MAP4K5: variants seen among roughly 807,000 people sequenced by gnomAD.
The protein encoded by MAP4K5 is mitogen-activated protein kinase kinase kinase kinase 5, also known as MAPK/ERK kinase kinase kinase 5.
Under a neutral mutation model 135.6 loss-of-function variants are expected in MAP4K5, and 82 were observed. The observed-to-expected ratio is 0.60, with a 90% CI of 0.51 to 0.73. The LOEUF is 0.73. Among genes scored for constraint, MAP4K5 ranks in the 30% least tolerant of loss-of-function variants. The pLI is 0.00. For synonymous variants in MAP4K5, 347 were observed against 335.0 expected, an observed-to-expected ratio of 1.04 and a Z score of -0.39; for missense variants, 907 against 1,010.9, an observed-to-expected ratio of 0.90 and a Z score of 1.39.
intron 2 of MAP4K5, among the ~76,000 whole-genome samples, chr14:50,513,845 T>C (rs535887466): frequency 6.6e-6 from 1 of 152,320 alleles, no homozygotes; most frequent in African/African-American, 2.4e-5. Flanking sequence ...TCTCAATATT[T>C]TTAACAAGCT....
At chr14:50,454,542 T>C (rs2036558860) in intron 14 of MAP4K5, among the ~76,000 whole-genome samples, 1 of 152,094 alleles carries the variant, frequency 6.6e-6, no homozygotes, top group African/African-American at 2.4e-5. Context: ...ACATTCCTGA[T>C]AAATACAAAA....
rs527405240 is a variant in MAP4K5 at position 50,553,198 on chromosome 14, A to G, written c.-180+7842T>C. Reference sequence around the variant, plus strand: ...GTAGTCACAGCTACTCAGGAGGCTGAAGCAGGAGAATGCAGTGAGCCGAGA... The same window carrying G: ...GTAGTCACAGCTACTCAGGAGGCTGGAGCAGGAGAATGCAGTGAGCCGAGA... On this transcript the variant is annotated intron_variant, in intron 1 of 8. Coordinates refer to the MAP4K5 transcript ENST00000555216. Among the ~76,000 whole-genome samples the G allele has an allele frequency of 6.6e-5, 10 of 151,936 alleles. No individual in the cohort carries two copies. In the South Asian group the frequency reaches 2.1e-3, roughly 32 times the overall value.
chr14:50,553,761 T>TTA (rs1210333785), intron 1 of MAP4K5, among the ~76,000 whole-genome samples: 2 of 152,288 alleles, frequency 1.3e-5, no homozygotes, highest in East Asian at 3.9e-4. Context: ...CCATGGAATA[T>TTA]TACTCAGCCA....
rs1197001559 is a variant in MAP4K5, at chr14:50,476,146, G to C, written c.451C>G (p.His151Asp). The change falls in exon 8 of 33, where the codon CAT (histidine) becomes GAT (aspartate). Residue 151 changes from histidine to aspartate, a missense_variant. Transcript: ENST00000682126. ...IKGANILLTD[H>D]GDVKLADFGV... Reference sequence around the variant, plus strand: ...AACATACCTAATTTTACATCGCCATGGTCTGTCAATAAAATATTAGCACCC... The same window carrying C: ...AACATACCTAATTTTACATCGCCATCGTCTGTCAATAAAATATTAGCACCC... The C allele has an allele frequency of 6.7e-7, 1 of 1,501,882 alleles. No individual in the cohort carries two copies. 93.0% of individuals were successfully genotyped at this position (1,501,882 alleles called of 1,614,324 possible).
chr14:50,549,752 G>A (rs1460651462), intron 1 of MAP4K5, among the ~76,000 whole-genome samples: 1 of 152,058 alleles, frequency 6.6e-6, no homozygotes, highest in Non-Finnish European at 1.5e-5. Context: ...AACAGGGGCA[G>A]GACTCACAGA....
chr14:50,552,266 C>CA (rs35523342), intron 1 of MAP4K5, among the ~76,000 whole-genome samples: 30,647 of 150,320 alleles, frequency 0.2, 3,844 homozygotes, highest in Middle Eastern at 0.29. Flanking sequence ...ACAACAGCTG[C>CA]AAAAAAAAAT....
chr14:50,437,595 AAATCAGTTGCATCAG>A, intron 25 of MAP4K5, 61 bp from the exon 26 acceptor site: 1 of 1,138,948 alleles, frequency 8.8e-7, no homozygotes. Context: ...AATGATTTGT[AAATCAGTTGCATCAG>A]AATCAGACAG....
chr14:50,551,088 G>C (rs2038696795), intron 1 of MAP4K5, among the ~76,000 whole-genome samples: 1 of 152,040 alleles, frequency 6.6e-6, no homozygotes, highest in Admixed American at 6.6e-5. Flanking sequence ...GAAACAAAAA[G>C]CTGTTTCTTT....
At chr14:50,439,497 G>C (rs888204973) in intron 23 of MAP4K5, among the ~76,000 whole-genome samples, 5 of 152,006 alleles carry the variant, frequency 3.3e-5, no homozygotes, top group African/African-American at 1.2e-4. Flanking sequence ...AATTTCACCA[G>C]CAAACATCTG....
intron 3 of MAP4K5, among the ~76,000 whole-genome samples, chr14:50,493,382 T>C (rs2037527720): frequency 6.6e-6 from 1 of 152,238 alleles, no homozygotes; most frequent in Non-Finnish European, 1.5e-5. Flanking sequence ...AAGTTCTGCA[T>C]ATCACATACA....
At chr14:50,486,225 T>C (rs192334997) in intron 3 of MAP4K5, 31 bp from the exon 4 acceptor site, 11 of 756,964 alleles carry the variant, frequency 1.5e-5, no homozygotes, top group African/African-American at 3.7e-5. Flanking sequence ...TTTATCATGT[T>C]ACTCAAAATC....
rs559437515 is a variant in MAP4K5 at position 50,529,987 on chromosome 14, G to C, written c.108+1955C>G. On this transcript the variant is annotated intron_variant, in intron 2 of 32. Transcript: ENST00000682126. ...ATTACAGCAACAGGTGGAAATGGAG[G>C]GGTGGAAGGTGATTCCAAGTAATTA... Among the ~76,000 whole-genome samples, 87 of 152,308 alleles carry C rather than the reference G, an allele frequency of 5.7e-4. No individual in the cohort carries two copies. In the Middle Eastern group the frequency reaches 0.01, roughly 18 times the overall value.
rs553112946 is a variant in MAP4K5 at position 50,437,771 on chromosome 14, C to T, written c.1823+123G>A. 1.8e-5 allele frequency: 13 copies of T among 705,590 alleles called. No individual in the cohort carries two copies. The Admixed American group carries it at 3.4e-4, about 18-fold the overall frequency. The allele number at this position is 705,590 out of a possible 1,614,324, so 43.7% of individuals were successfully genotyped here. Reference sequence around the variant, plus strand: ...ACGTTCAGCTTTTCCAGATATAATACACTTTAGTTTAAACTACCTTTGAAA... The same window carrying T: ...ACGTTCAGCTTTTCCAGATATAATATACTTTAGTTTAAACTACCTTTGAAA... On this transcript the variant is annotated intron_variant, in intron 25 of 32. Coordinates refer to ENST00000682126, the MANE Select transcript of MAP4K5 (RefSeq NM_006575.6).
rs1481291310 is a variant in MAP4K5, at chr14:50,504,835, T to G, written c.131A>C (p.Glu44Ala). The part of the protein sequence containing the change: ...VYKARNVHTG[E>A]LAAVKIIKLE... ...TTTAATGATTTTTACTGCAGCCAGC[T>G]CTCCTGTGTGTACATTTCTGGCCTA... The change falls in exon 3 of 33, where the codon GAG becomes GCG. Residue 44 changes from glutamate (E) to alanine (A), a missense_variant. Around this residue, in one of 3 missense-constraint regions of MAP4K5, gnomAD observed 196 missense variants for 189.3 expected, o/e 1.04. Coordinates refer to ENST00000682126, the MANE Select transcript of MAP4K5 (RefSeq NM_006575.6). 1.3e-6 allele frequency: 2 copies of G among 1,556,510 alleles called. No individual in the cohort carries two copies. The highest frequency in any genetic ancestry group is 2.7e-5 in the African/African-American group (2 of 73,156).
intron 3 of MAP4K5, among the ~76,000 whole-genome samples, chr14:50,492,004 A>C (rs1209951584): frequency 6.6e-6 from 1 of 152,202 alleles, no homozygotes; most frequent in African/African-American, 2.4e-5. Flanking sequence ...TCAGAAAGTT[A>C]GCACATTATA....
intron 13 of MAP4K5, among the ~76,000 whole-genome samples, chr14:50,459,156 A>G (rs1272248911): frequency 3.3e-5 from 5 of 152,174 alleles, no homozygotes; most frequent in Non-Finnish European, 5.9e-5. Flanking sequence ...CCAAGCTACA[A>G]TGACATATCT....
intron 3 of MAP4K5, among the ~76,000 whole-genome samples, chr14:50,492,656 A>C (rs1324595323): frequency 6.6e-6 from 1 of 152,002 alleles, no homozygotes; most frequent in Non-Finnish European, 1.5e-5. Context: ...AGCAACCTAT[A>C]GGAGAAACTA....
intron 13 of MAP4K5, among the ~76,000 whole-genome samples, chr14:50,460,934 C>T (rs898060000): frequency 2.6e-5 from 4 of 152,140 alleles, no homozygotes; most frequent in African/African-American, 9.7e-5. Context: ...GTATAAAGGA[C>T]TGTTTTGATA....
intron 2 of MAP4K5, among the ~76,000 whole-genome samples, chr14:50,521,057 G>A (rs1595543428): frequency 6.6e-6 from 1 of 152,078 alleles, no homozygotes; most frequent in African/African-American, 2.4e-5. Flanking sequence ...CTGACCTCAG[G>A]TGATCCACCC....
Sources: gnomAD v4.1 joint callset for allele counts (sites outside exome capture counted in the v4.1 genomes callset) on GRCh38, gnomAD v4.1.1 for gene constraint, gnomAD v4.1.1 regional missense constraint, MANE v1.5 for transcripts, NCBI Gene and HGNC (gene_info 2026-07-23, HGNC 2026-07-21) for gene names.